The following SYNPR variants were observed in gnomAD, a reference collection of about 807,000 sequenced individuals.
SYNPR encodes synaptoporin.
In SYNPR, 23 loss-of-function variants were observed where a neutral mutation model predicts 32.9. That is an observed-to-expected ratio of 0.70 (90% confidence interval 0.50 to 0.99). The LOEUF (loss-of-function observed/expected upper bound fraction) is 0.99. Among genes scored for constraint, SYNPR ranks in the 50% least tolerant of loss-of-function variants. The pLI is 0.00. For synonymous variants in SYNPR, 146 were observed against 135.9 expected (o/e 1.07, Z -0.52); for missense variants, 318 against 349.3 (o/e 0.91, Z 0.71).
chr3:63,211,937 C>G, the SYNPR span, among the ~76,000 whole-genome samples: 1 of 91,678 alleles, frequency 1.1e-5, no homozygotes, highest in South Asian at 3.9e-4. Flanking sequence ...TCAATTCCCA[C>G]CTATGAGTGA....
chr3:63,406,400 C>T (rs566880478), intron 2 of SYNPR, among the ~76,000 whole-genome samples: 2 of 152,028 alleles, frequency 1.3e-5, no homozygotes, highest in African/African-American at 4.8e-5. Context: ...TTTTATTCAT[C>T]ACTGTGCCAG....
chr3:63,587,013 C>T (rs1703196914), intron 4 of SYNPR, among the ~76,000 whole-genome samples: 1 of 151,962 alleles, frequency 6.6e-6, no homozygotes, highest in Non-Finnish European at 1.5e-5. Flanking sequence ...AGGTTTGAAG[C>T]TCTACCTATG....
chr3:63,259,647 C>T (rs1394294518), intron 2 of SYNPR, among the ~76,000 whole-genome samples: 1 of 152,134 alleles, frequency 6.6e-6, no homozygotes, highest in Non-Finnish European at 1.5e-5. Flanking sequence ...GGAAGAATTC[C>T]CTTTGAAAAC....
At chr3:63,448,691 A>C (rs1369845297) in intron 2 of SYNPR, among the ~76,000 whole-genome samples, 6 of 152,200 alleles carry the variant, frequency 3.9e-5, no homozygotes, top group Admixed American at 3.3e-4. Context: ...ATAAATATTT[A>C]AGGATGCCTA....
At chr3:63,405,616 A>AAG (rs2088349674) in intron 2 of SYNPR, among the ~76,000 whole-genome samples, 1 of 152,044 alleles carries the variant, frequency 6.6e-6, no homozygotes, top group Non-Finnish European at 1.5e-5. Context: ...GGTGTTGAGC[A>AAG]AGAGTGTGAG....
At chr3:63,514,783 T>C (rs1701764468) in intron 3 of SYNPR, among the ~76,000 whole-genome samples, 1 of 152,126 alleles carries the variant, frequency 6.6e-6, no homozygotes, top group African/African-American at 2.4e-5. Context: ...TGAATAACCT[T>C]CCTCTCTTAG....
At chr3:63,607,090 G>T (rs1256122129) in intron 4 of SYNPR, among the ~76,000 whole-genome samples, 2 of 152,016 alleles carry the variant, frequency 1.3e-5, no homozygotes, top group Non-Finnish European at 2.9e-5. Context: ...CCCATTCTAT[G>T]GGCCTTTCTA....
intron 3 of SYNPR, among the ~76,000 whole-genome samples, chr3:63,494,450 C>CGTATAT: frequency 1.2e-5 from 1 of 86,796 alleles, no homozygotes; most frequent in Non-Finnish European, 2.3e-5. Context: ...TATATATACA[C>CGTATAT]ATATATATAC....
At position 63,456,976 on chromosome 3, in the gene SYNPR, C is replaced by T. The variant is rs77306397; in HGVS notation, c.85-23856C>T. Among the ~76,000 whole-genome samples, 1,285 of 152,180 alleles carry T rather than the reference C, an allele frequency of 8.4e-3. 58 individuals are homozygous for T. The East Asian group carries it at 0.13, about 16-fold the overall frequency. On this transcript the variant is annotated intron_variant, in intron 2 of 5. Transcript: ENST00000478300. ...AGTTGGTGGGTCCAGAGAAGCTCTC[C>T]TCTTTGCAGCGGGGCCTCTGACCTG...
chr3:63,413,654 C>T (rs1189742642), intron 2 of SYNPR, among the ~76,000 whole-genome samples: 1 of 152,166 alleles, frequency 6.6e-6, no homozygotes, highest in Non-Finnish European at 1.5e-5. Context: ...TAAATAGCAA[C>T]ACTCTGCATA....
At chr3:63,515,132 AT>A (rs1401145014) in intron 3 of SYNPR, among the ~76,000 whole-genome samples, 1 of 152,034 alleles carries the variant, frequency 6.6e-6, no homozygotes, top group Non-Finnish European at 1.5e-5. Context: ...CCCTTTCTGC[AT>A]TTCCGTCAGT....
At chr3:63,612,970 C>A (rs900821517) in intron 5 of SYNPR, among the ~76,000 whole-genome samples, 1 of 141,142 alleles carries the variant, frequency 7.1e-6, no homozygotes, top group East Asian at 2.2e-4. Context: ...CCTTTTGTTT[C>A]CTTTTTTCTT....
intron 2 of SYNPR, among the ~76,000 whole-genome samples, chr3:63,304,679 TA>T (rs1202679332): frequency 2.0e-5 from 3 of 152,014 alleles, no homozygotes; most frequent in East Asian, 1.9e-4. Flanking sequence ...AGTACCATAA[TA>T]TTTTTTTTAA....
intron 3 of SYNPR, among the ~76,000 whole-genome samples, chr3:63,540,075 G>A (rs1393540147): frequency 6.6e-6 from 1 of 152,114 alleles, no homozygotes; most frequent in Non-Finnish European, 1.5e-5. Context: ...TGCTAGAGGA[G>A]TACGGCTATT....
intron 2 of SYNPR, among the ~76,000 whole-genome samples, chr3:63,299,633 T>C (rs1393044310): frequency 6.6e-6 from 1 of 152,136 alleles, no homozygotes; most frequent in Non-Finnish European, 1.5e-5. Flanking sequence ...TCACAGAGGT[T>C]AGCCAATGTT....
chr3:63,524,720 T>C (rs1701974594), intron 3 of SYNPR, among the ~76,000 whole-genome samples: 1 of 152,124 alleles, frequency 6.6e-6, no homozygotes, highest in African/African-American at 2.4e-5. Context: ...GCCCAAGAAG[T>C]TTCTCCTTAA....
At chr3:63,279,437 G>T (rs1469651352) in intron 2 of SYNPR, among the ~76,000 whole-genome samples, 1 of 152,136 alleles carries the variant, frequency 6.6e-6, no homozygotes, top group East Asian at 1.9e-4. Context: ...TGGGCTTTAG[G>T]AAGTTGTATT....
intron 4 of SYNPR, among the ~76,000 whole-genome samples, chr3:63,560,810 A>G (rs1051014949): frequency 2.6e-5 from 4 of 152,082 alleles, no homozygotes; most frequent in African/African-American, 9.7e-5. Context: ...CAGGGGGGGA[A>G]CCACCCCCAT....
chr3:63,498,559 C>G (rs1023644696), intron 3 of SYNPR, among the ~76,000 whole-genome samples: 1 of 152,046 alleles, frequency 6.6e-6, no homozygotes, highest in Non-Finnish European at 1.5e-5. Flanking sequence ...AGACATTGAG[C>G]AGAGACCTGA....
Sources: allele counts gnomAD v4.1 joint callset (sites outside exome capture counted in the v4.1 genomes callset), GRCh38; gene constraint gnomAD v4.1.1; transcripts MANE v1.5; gene names NCBI Gene and HGNC (gene_info 2026-07-23, HGNC 2026-07-21).